Variants in TP73 observed in about 807,000 individuals in gnomAD.
TP73 encodes the protein p53-like transcription factor.
In TP73, 25 loss-of-function variants were observed where a neutral mutation model predicts 62.5. The ratio of observed to expected loss-of-function variants is 0.40; its 90% CI spans 0.29 to 0.56. The LOEUF is 0.56. Among genes scored for constraint, TP73 ranks in the 20% least tolerant of loss-of-function variants. The pLI is 0.46. For synonymous variants in TP73, 423 were observed against 377.5 expected, an observed-to-expected ratio of 1.12 and a Z score of -1.40; for missense variants, 754 against 913.3, an observed-to-expected ratio of 0.83 and a Z score of 2.25.
Position 3,696,080 on chromosome 1 carries a change from G to T in TP73, c.187-11469G>T, listed in dbSNP as rs949053150. On this transcript the variant is annotated intron_variant, in intron 3 of 13. Coordinates refer to ENST00000378295, the MANE Select transcript of TP73 (RefSeq NM_005427.4). This position sits in a 1 kb window ranked among gnomAD's most constrained non-coding sequence, Gnocchi z 4.1. ...AGGAGCCGCATGCAGGGAGGAGGAC[G>T]ACGAGCGAGCAGTTCCCAAAGCCCC... 6.6e-6 allele frequency among the ~76,000 whole-genome samples: 1 copy of T among 152,090 alleles called. No homozygotes were observed. Among genetic ancestry groups the T allele is most frequent in the Non-Finnish European group, 1.5e-5 (1 of 67,994 alleles).
At chr1:3,677,986 T>C (rs1645413013) in intron 1 of TP73, among the ~76,000 whole-genome samples, 2 of 152,218 alleles carry the variant, frequency 1.3e-5, no homozygotes, top group African/African-American at 2.4e-5. Flanking sequence ...ATTACAGTTA[T>C]GAACCACTGC....
intron 1 of TP73, among the ~76,000 whole-genome samples, chr1:3,671,633 T>C (rs369828656): frequency 6.8e-4 from 103 of 152,310 alleles, no homozygotes; most frequent in African/African-American, 2.3e-3. Flanking sequence ...GCTTCTGAGA[T>C]GTGCGGCCCT....
intron 3 of TP73, among the ~76,000 whole-genome samples, chr1:3,705,636 C>T (rs568565383): frequency 1.5e-4 from 23 of 152,368 alleles, no homozygotes; most frequent in African/African-American, 4.8e-4. Flanking sequence ...AGAGGGCCTG[C>T]CTGGCCTTTG....
chr1:3,713,543 T>G (rs975594155), intron 4 of TP73, among the ~76,000 whole-genome samples: 3 of 152,138 alleles, frequency 2.0e-5, no homozygotes, highest in African/African-American at 7.2e-5. Flanking sequence ...CCCGGTCTGG[T>G]GGGTTTCTGC....
At chr1:3,693,587 C>G (rs904522909) in intron 3 of TP73, among the ~76,000 whole-genome samples, 7 of 152,134 alleles carry the variant, frequency 4.6e-5, no homozygotes, top group Non-Finnish European at 5.9e-5. Flanking sequence ...TTCACCGTAG[C>G]TGCTCGGCTG....
intron 3 of TP73, among the ~76,000 whole-genome samples, chr1:3,693,709 T>C (rs113108737): frequency 0.053 from 4,018 of 76,034 alleles, 150 homozygotes; most frequent in African/African-American, 0.13. Flanking sequence ...CATGCAGCCT[T>C]AGCCCCTCCT....
At chr1:3,723,587 T>TC in intron 6 of TP73, 118 bp downstream of exon 6, 1 of 741,246 alleles carries the variant, frequency 1.3e-6, no homozygotes, top group Non-Finnish European at 2.3e-6. Context: ...GCCTGTCCTG[T>TC]CGGCATCTGT....
chr1:3,719,582 T>C (rs1215181854), intron 4 of TP73, among the ~76,000 whole-genome samples: 3 of 152,238 alleles, frequency 2.0e-5, no homozygotes, highest in African/African-American at 7.2e-5. Context: ...GAGCCCTCCC[T>C]GTCTGAGTCT....
rs866777863 is a variant in TP73 at position 3,729,381 on chromosome 1, C to T, written c.1129C>T (p.Leu377=). 1.2e-6 allele frequency: 2 copies of T among 1,613,214 alleles called. No homozygotes were observed. Among genetic ancestry groups the T allele is most frequent in the Non-Finnish European group, 1.7e-6 (2 of 1,179,994 alleles). ...GATGAAGCTGAAAGAGAGCCTGGAG[C>T]TGATGGAGTTGGTGCCGCAGCCACT... is the stretch of plus-strand genomic sequence containing the variant. ...ILMKLKESLE[L]MELVPQPLVD... Residue 377 remains leucine, a synonymous_variant, in exon 10 of 14, where the codon CTG becomes TTG. Coordinates refer to ENST00000378295, the MANE Select transcript of TP73 (RefSeq NM_005427.4).
chr1:3,690,585 A>C (rs2124227187), intron 3 of TP73: 1 of 1,240,190 alleles, frequency 8.1e-7, no homozygotes, highest in Non-Finnish European at 1.0e-6. Flanking sequence ...GGTGCGGTCC[A>C]ACACATCACC....
chr1:3,690,789 T>A, intron 3 of TP73: 1 of 1,520,522 alleles, frequency 6.6e-7, no homozygotes, highest in Non-Finnish European at 8.8e-7. Flanking sequence ...CCTCTCCCGC[T>A]CGGTCCACGC....
At chr1:3,705,563 G>A (rs886631617) in intron 3 of TP73, among the ~76,000 whole-genome samples, 1 of 152,272 alleles carries the variant, frequency 6.6e-6, no homozygotes, top group Non-Finnish European at 1.5e-5. Context: ...CCAGGGCACG[G>A]GTCGCCCCTG....
chr1:3,725,675 T>C (rs1641464491), intron 6 of TP73, among the ~76,000 whole-genome samples: 1 of 134,956 alleles, frequency 7.4e-6, no homozygotes. Context: ...GATGGATGGA[T>C]AGACTGATAT....
Position 3,730,113 on chromosome 1 carries a change from A to G in TP73, c.1310A>G (p.His437Arg). The G allele has an allele frequency of 6.4e-7, 1 of 1,574,640 alleles. No homozygotes were observed. The highest frequency in any genetic ancestry group is 8.6e-7 in the Non-Finnish European group (1 of 1,160,352). ...VNQLVGQPPP[H>R]SSAATPNLGP... ...CAGCTGGTGGGCCAGCCTCCCCCGC[A>G]CAGTTCGGCAGCTACACCCAACCTG... The change falls in exon 11 of 14, where the codon CAC (histidine) becomes CGC (arginine). Residue 437 changes from histidine (H) to arginine (R), a missense_variant. His to Arg is a conservative substitution (Grantham distance 29, BLOSUM62 0). Transcript: ENST00000378295.
At chr1:3,668,684 G>C (rs1204266803) in intron 1 of TP73, 1 of 152,388 alleles carries the variant, frequency 6.6e-6, no homozygotes, top group Admixed American at 6.5e-5. Context: ...GGAATTTGCT[G>C]TGAAATGCCC....
At chr1:3,665,475 C>A (rs1206544520) in intron 1 of TP73, among the ~76,000 whole-genome samples, 1 of 152,122 alleles carries the variant, frequency 6.6e-6, no homozygotes, top group Non-Finnish European at 1.5e-5. Flanking sequence ...TCAGTCTGGT[C>A]TTTGAAAGTA....
intron 1 of TP73, chr1:3,652,845 CAG>C (rs1644783903): frequency 6.6e-6 from 1 of 152,324 alleles, no homozygotes; most frequent in African/African-American, 2.4e-5. Flanking sequence ...CTGGAGCGGC[CAG>C]AGTCTAGCCT....
At chr1:3,680,529 C>T (rs1645495375) in intron 1 of TP73, among the ~76,000 whole-genome samples, 1 of 152,196 alleles carries the variant, frequency 6.6e-6, no homozygotes, top group Admixed American at 6.5e-5. Context: ...CCTCCGAGTC[C>T]AGCCCCTCCA....
At chr1:3,718,042 T>C (rs996007516) in intron 4 of TP73, among the ~76,000 whole-genome samples, 1 of 152,068 alleles carries the variant, frequency 6.6e-6, no homozygotes, top group African/African-American at 2.4e-5. Context: ...GCCTCCTTGC[T>C]CTCCACCCTG....
Sources: allele counts gnomAD v4.1 joint callset (sites outside exome capture counted in the v4.1 genomes callset), GRCh38; gene constraint gnomAD v4.1.1; non-coding constraint Gnocchi (gnomAD v3.1); transcripts MANE v1.5; gene names NCBI Gene and HGNC (gene_info 2026-07-23, HGNC 2026-07-21).